PNLIPRP3: variants seen among roughly 807,000 people sequenced by gnomAD.
PNLIPRP3 encodes the protein pancreatic lipase-related protein 3.
Under a neutral mutation model 52.8 loss-of-function variants are expected in PNLIPRP3, and 58 were observed. The ratio of observed to expected loss-of-function variants is 1.10; its 90% CI spans 0.89 to 1.37. PNLIPRP3 has a LOEUF of 1.37. Among genes scored for constraint, PNLIPRP3 ranks in the 40% most tolerant of loss-of-function variants. The pLI, the probability that PNLIPRP3 is intolerant of heterozygous loss-of-function variation, is 0.00. For synonymous variants in PNLIPRP3, 192 were observed against 185.0 expected, an observed-to-expected ratio of 1.04 and a Z score of -0.31; for missense variants, 593 against 561.6, an observed-to-expected ratio of 1.06 and a Z score of -0.57.
intron 1 of PNLIPRP3, among the ~76,000 whole-genome samples, chr10:116,431,901 T>C (rs955785442): frequency 6.6e-6 from 1 of 152,086 alleles, no homozygotes; most frequent in African/African-American, 2.4e-5. Flanking sequence ...CACATCTGCA[T>C]GCGGTTTGCT....
intron 3 of PNLIPRP3, among the ~76,000 whole-genome samples, chr10:116,443,802 C>T (rs112154188): frequency 0.26 from 3,286 of 12,752 alleles, 144 homozygotes; most frequent in Admixed American, 0.43. Context: ...TGTGTGTGTG[C>T]ATATATATAT....
intron 7 of PNLIPRP3, among the ~76,000 whole-genome samples, chr10:116,462,667 A>G (rs1483445500): frequency 6.6e-6 from 1 of 152,212 alleles, no homozygotes; most frequent in Non-Finnish European, 1.5e-5. Flanking sequence ...CAAAATTCAT[A>G]CAAAAGAGGC....
At chr10:116,463,702 T>C (rs1485797435) in intron 7 of PNLIPRP3, among the ~76,000 whole-genome samples, 1 of 152,178 alleles carries the variant, frequency 6.6e-6, no homozygotes, top group Non-Finnish European at 1.5e-5. Context: ...GAGTCATTTG[T>C]TGGAAGCAAT....
At chr10:116,476,862 T>C in intron 11 of PNLIPRP3, 43 bp downstream of exon 11, 1 of 1,503,410 alleles carries the variant, frequency 6.7e-7, no homozygotes, top group Non-Finnish European at 9.0e-7. Context: ...GTTTACATTT[T>C]ATAAATGGTG....
At chr10:116,472,155 G>A (rs1433191561) in intron 10 of PNLIPRP3, among the ~76,000 whole-genome samples, 1 of 151,950 alleles carries the variant, frequency 6.6e-6, no homozygotes, top group Non-Finnish European at 1.5e-5. Flanking sequence ...AAAAACTGAC[G>A]GTATTCAAGA....
intron 1 of PNLIPRP3, among the ~76,000 whole-genome samples, chr10:116,436,319 C>T (rs1379148123): frequency 6.6e-6 from 1 of 152,082 alleles, no homozygotes; most frequent in East Asian, 1.9e-4. Flanking sequence ...GAAATTGAAC[C>T]CTTACCTTAT....
chr10:116,450,886 A>G (rs1489219077), intron 4 of PNLIPRP3, among the ~76,000 whole-genome samples: 1 of 149,090 alleles, frequency 6.7e-6, no homozygotes, highest in Non-Finnish European at 1.5e-5. Flanking sequence ...TACAGATTCA[A>G]CGTAATACCT....
At position 116,477,082 on chromosome 10, in the gene PNLIPRP3, A is replaced by G; in HGVS notation, c.1341-8A>G. 2 of 1,574,500 alleles carry G rather than the reference A, an allele frequency of 1.3e-6. No homozygotes were observed. The highest frequency in any genetic ancestry group is 2.3e-5 in the South Asian group (2 of 87,184). On this transcript the variant is annotated splice_polypyrimidine_tract_variant and splice_region_variant and intron_variant, in intron 11 of 11. Coordinates refer to ENST00000369230, the MANE Select transcript of PNLIPRP3 (RefSeq NM_001011709.3). ...AAATTCCTTTTTTTTTTCCTTAAAAACTTTCAGATCTACCTTCTGTAGCCA... is the reference window on the plus strand; with the variant it reads ...AAATTCCTTTTTTTTTTCCTTAAAAGCTTTCAGATCTACCTTCTGTAGCCA...
At chr10:116,468,126 CAAAAAA>C (rs5788168) in intron 8 of PNLIPRP3, among the ~76,000 whole-genome samples, 3 of 39,496 alleles carry the variant, frequency 7.6e-5, no homozygotes, top group African/African-American at 4.2e-4. Flanking sequence ...CTCTGTCTCG[CAAAAAA>C]AAAAAAAAAA....
intron 5 of PNLIPRP3, among the ~76,000 whole-genome samples, chr10:116,456,365 T>C (rs1168732794): frequency 4.6e-5 from 7 of 152,214 alleles, no homozygotes; most frequent in Non-Finnish European, 1.5e-5. Flanking sequence ...AAAAGATGAA[T>C]GATTATGGCG....
At chr10:116,469,729 G>A (rs921811451) in intron 9 of PNLIPRP3, among the ~76,000 whole-genome samples, 1 of 152,148 alleles carries the variant, frequency 6.6e-6, no homozygotes, top group Non-Finnish European at 1.5e-5. Context: ...GTAGAGACTG[G>A]GAGGACAGTG....
At chr10:116,432,014 C>A (rs1845715463) in intron 1 of PNLIPRP3, among the ~76,000 whole-genome samples, 1 of 152,182 alleles carries the variant, frequency 6.6e-6, no homozygotes. Context: ...CCCTTCCCTG[C>A]TTTAGGTTCC....
chr10:116,450,812 CA>C (rs1356703110), intron 4 of PNLIPRP3, among the ~76,000 whole-genome samples: 40 of 152,160 alleles, frequency 2.6e-4, no homozygotes, highest in Non-Finnish European at 1.5e-5. Flanking sequence ...AATGGAAAAA[CA>C]TCCTGTGTTC....
intron 7 of PNLIPRP3, among the ~76,000 whole-genome samples, chr10:116,463,624 T>A (rs1389034758): frequency 6.6e-6 from 1 of 152,196 alleles, no homozygotes; most frequent in African/African-American, 2.4e-5. Context: ...GGGGTATTTT[T>A]AACATGGCCT....
chr10:116,454,742 T>C (rs936059830), intron 4 of PNLIPRP3, among the ~76,000 whole-genome samples: 1 of 152,224 alleles, frequency 6.6e-6, no homozygotes, highest in Non-Finnish European at 1.5e-5. Flanking sequence ...AGAATTTCCT[T>C]TTTCATTGTG....
intron 8 of PNLIPRP3, among the ~76,000 whole-genome samples, chr10:116,467,353 T>C (rs982546409): frequency 5.3e-5 from 8 of 152,140 alleles, no homozygotes; most frequent in Non-Finnish European, 1.0e-4. Context: ...ATCATGCCTC[T>C]GAATAACAAC....
At chr10:116,464,096 CCTAA>C (rs1374251508) in intron 7 of PNLIPRP3, among the ~76,000 whole-genome samples, 1 of 152,162 alleles carries the variant, frequency 6.6e-6, no homozygotes, top group East Asian at 1.9e-4. Flanking sequence ...TTCCAATAAT[CCTAA>C]CTATTGATGG....
intron 7 of PNLIPRP3, among the ~76,000 whole-genome samples, chr10:116,461,798 C>G (rs1897516): frequency 2.0e-5 from 3 of 152,020 alleles, no homozygotes; most frequent in African/African-American, 7.2e-5. Context: ...TAAGGGAGTC[C>G]TTACTGAAAA....
chr10:116,428,088 C>A, intron 1 of PNLIPRP3, 27 bp downstream of exon 1: 2 of 1,519,190 alleles, frequency 1.3e-6, no homozygotes, highest in East Asian at 2.3e-5. Context: ...ATAATAAGTT[C>A]TTTAAAAATA....
Sources: allele counts gnomAD v4.1 joint callset (sites outside exome capture counted in the v4.1 genomes callset), GRCh38; gene constraint gnomAD v4.1.1; transcripts MANE v1.5; gene names NCBI Gene and HGNC (gene_info 2026-07-23, HGNC 2026-07-21).